HMCN1: variants seen among roughly 807,000 people sequenced by gnomAD.
The protein encoded by HMCN1 is hemicentin-1.
A neutral mutation model predicts 625.9 loss-of-function variants in HMCN1; 321 were observed. The observed-to-expected ratio is 0.51, with a 90% CI of 0.47 to 0.56. The LOEUF is 0.56. Among genes scored for constraint, HMCN1 ranks in the 20% least tolerant of loss-of-function variants. The pLI is 0.00. For missense variants in HMCN1, 6,588 were observed against 6,887.3 expected, an observed-to-expected ratio of 0.96 and a Z score of 1.54; for synonymous variants, 2,425 against 2,417.6, an observed-to-expected ratio of 1.00 and a Z score of -0.09.
intron 1 of HMCN1, among the ~76,000 whole-genome samples, chr1:185,813,880 C>T (rs2102251591): frequency 6.6e-6 from 1 of 152,110 alleles, no homozygotes; most frequent in East Asian, 1.9e-4. Flanking sequence ...ACAGAAGTAA[C>T]TGAAAAGTCA....
intron 74 of HMCN1, 63 bp from the exon 75 acceptor site, chr1:186,115,195 A>G (rs936340360): frequency 8.2e-6 from 13 of 1,591,042 alleles, no homozygotes; most frequent in Non-Finnish European, 1.1e-5. Context: ...TTCAGCAGAA[A>G]TATTTCAAAT....
chr1:186,149,709 T>A (rs944123304), intron 93 of HMCN1, among the ~76,000 whole-genome samples: 1 of 152,188 alleles, frequency 6.6e-6, no homozygotes, highest in Admixed American at 6.5e-5. Flanking sequence ...CTTAACCATT[T>A]CCAGCTTTTG....
chr1:186,093,820 C>A, intron 66 of HMCN1, 151 bp downstream of exon 66: 1 of 990,952 alleles, frequency 1.0e-6, no homozygotes, highest in Non-Finnish European at 1.5e-6. Flanking sequence ...GGAAGGACAA[C>A]AAATATACAG....
At position 186,087,249 on chromosome 1, in the gene HMCN1, G is replaced by T; in HGVS notation, c.9079G>T (p.Val3027Leu). ...AACTCTACAGATTATTCGGGCCAAG[G>T]TATCAGATGGTGGTGAATACACTTG... Reference protein sequence around the residue: ...GRTLQIIRAKVSDGGEYTCIA... With the variant: ...GRTLQIIRAKLSDGGEYTCIA... Residue 3027 changes from valine to leucine, a missense_variant, in exon 59 of 107, where the codon GTA (valine) becomes TTA (leucine). Transcript: ENST00000271588. 1.9e-6 allele frequency: 3 copies of T among 1,613,084 alleles called. No homozygotes were observed. Among genetic ancestry groups the T allele is most frequent in the Non-Finnish European group, 1.7e-6 (2 of 1,179,342 alleles).
chr1:185,735,349 C>T (rs1653485521), intron 1 of HMCN1, among the ~76,000 whole-genome samples: 1 of 152,178 alleles, frequency 6.6e-6, no homozygotes, highest in Non-Finnish European at 1.5e-5. Context: ...AATCACTTAA[C>T]TCACTTAGAT....
At position 186,038,939 on chromosome 1, in the gene HMCN1, A is replaced by C; in HGVS notation, c.5962A>C (p.Ile1988Leu). 6.2e-7 allele frequency: 1 copy of C among 1,612,458 alleles called. No homozygotes were observed. The highest frequency in any genetic ancestry group is 8.5e-7 in the Non-Finnish European group (1 of 1,178,556). Residue 1988 changes from isoleucine to leucine, a missense_variant, in exon 38 of 107, where the codon ATA (isoleucine) becomes CTA (leucine). Coordinates refer to ENST00000271588, the MANE Select transcript of HMCN1 (RefSeq NM_031935.3). ...AAGTGCCCAGATCTCAGATGCTGGC[A>C]TATATAAATGCGTGGCCATCAACTC... Reference protein sequence around the residue: ...IESAQISDAGIYKCVAINSAG... With the variant: ...IESAQISDAGLYKCVAINSAG...
chr1:185,812,554 G>A (rs998913966), intron 1 of HMCN1, among the ~76,000 whole-genome samples: 9 of 152,104 alleles, frequency 5.9e-5, no homozygotes, highest in Admixed American at 5.9e-4. Context: ...TTGTAAGTAT[G>A]ATCTGCTTCA....
At chr1:186,059,244 T>G (rs1657531586) in intron 46 of HMCN1, among the ~76,000 whole-genome samples, 1 of 152,064 alleles carries the variant, frequency 6.6e-6, no homozygotes. Context: ...TACATACTAA[T>G]GACAAAGATT....
chr1:186,180,923 C>G (rs1352973853), intron 104 of HMCN1, among the ~76,000 whole-genome samples: 1 of 152,142 alleles, frequency 6.6e-6, no homozygotes, highest in Non-Finnish European at 1.5e-5. Context: ...TTTTAATGAA[C>G]TATCTGGGAC....
intron 6 of HMCN1, among the ~76,000 whole-genome samples, chr1:185,916,203 C>T (rs952171212): frequency 6.6e-6 from 1 of 152,048 alleles, no homozygotes. Context: ...GTCTTTGACA[C>T]AATGCCTAGC....
rs1571675884 is a variant in HMCN1, at chr1:185,990,591, A to G, written c.3377+148A>G. ...ATGTACATCTGAGTCTACAGGAAGT[A>G]TTTATAACACTGAATCATGCTTCTG... is the stretch of plus-strand genomic sequence containing the variant. On this transcript the variant is annotated intron_variant, in intron 22 of 106. Coordinates refer to ENST00000271588, the MANE Select transcript of HMCN1 (RefSeq NM_031935.3). 5.6e-6 allele frequency: 4 copies of G among 714,880 alleles called. No individual in the cohort carries two copies. The East Asian group carries it at 1.1e-4, about 19-fold the overall frequency. 44.3% of individuals were successfully genotyped at this position (714,880 alleles called of 1,614,324 possible). A position where few individuals can be genotyped will look rare whatever the true frequency, so the allele number is the denominator to read the frequency against.
At chr1:186,144,446 G>T (rs981769444) in intron 90 of HMCN1, 87 bp from the exon 91 acceptor site, 208 of 1,607,274 alleles carry the variant, frequency 1.3e-4, no homozygotes, top group Non-Finnish European at 1.5e-4. Context: ...GTGCCCACAA[G>T]AACATCTCTC....
chr1:185,794,917 G>A (rs368634992), intron 1 of HMCN1, among the ~76,000 whole-genome samples: 3 of 152,248 alleles, frequency 2.0e-5, no homozygotes, highest in African/African-American at 7.2e-5. Context: ...TATATTTGGG[G>A]TAGAAATTTT....
At chr1:185,746,766 C>T (rs1654434384) in intron 1 of HMCN1, among the ~76,000 whole-genome samples, 1 of 151,900 alleles carries the variant, frequency 6.6e-6, no homozygotes, top group African/African-American at 2.4e-5. Context: ...CCACCATGCC[C>T]AGCTAATTTT....
rs889412128 is a variant in HMCN1, at chr1:186,005,276, T to C, written c.4475+1432T>C. On this transcript the variant is annotated intron_variant, in intron 29 of 106. Transcript: ENST00000271588. ...AAACAAATTTTTAATTGTTTATAAA[T>C]GTTTATAAACAAATTTTTAATTGTT... Among the ~76,000 whole-genome samples, 28 of 144,768 alleles carry C rather than the reference T, an allele frequency of 1.9e-4. 1 individual carries two copies. The highest frequency in any genetic ancestry group is 7.2e-4 in the African/African-American group (28 of 38,904). 95.0% of individuals were successfully genotyped at this position (144,768 alleles called of 152,430 possible).
At chr1:185,981,129 T>C in intron 17 of HMCN1, 56 bp downstream of exon 17, 1 of 1,035,718 alleles carries the variant, frequency 9.7e-7, no homozygotes, top group Non-Finnish European at 1.5e-6. Context: ...AGACTTCTTT[T>C]ACTATGTCAT....
intron 22 of HMCN1, among the ~76,000 whole-genome samples, chr1:185,992,310 C>T (rs1482085085): frequency 6.6e-6 from 1 of 152,056 alleles, no homozygotes; most frequent in African/African-American, 2.4e-5. Context: ...CAGATGTGCA[C>T]TTTTTGTATC....
chr1:186,063,067 C>CAT (rs775036108), intron 48 of HMCN1, among the ~76,000 whole-genome samples: 3,832 of 59,680 alleles, frequency 0.064, 198 homozygotes, highest in Middle Eastern at 0.081. Flanking sequence ...TGTGTGTGTG[C>CAT]ATATATATAT....
At chr1:186,006,912 A>G (rs1364319159) in intron 29 of HMCN1, among the ~76,000 whole-genome samples, 2 of 151,972 alleles carry the variant, frequency 1.3e-5, no homozygotes, top group African/African-American at 4.8e-5. Flanking sequence ...TTTGAAATGG[A>G]GGAACTTTTC....
Sources: allele counts gnomAD v4.1 joint callset (sites outside exome capture counted in the v4.1 genomes callset), GRCh38; gene constraint gnomAD v4.1.1; transcripts MANE v1.5; gene names NCBI Gene and HGNC (gene_info 2026-07-23, HGNC 2026-07-21).